Variants in GALNT13 observed in about 807,000 individuals in gnomAD.
The protein encoded by GALNT13 is UDP-GalNAc:polypeptide N-acetylgalactosaminyltransferase 13.
GALNT13 carries 28 observed loss-of-function variants against 64.2 expected under a neutral mutation model. That is an observed-to-expected ratio of 0.44 (90% CI 0.32 to 0.60). The LOEUF (loss-of-function observed/expected upper bound fraction) is 0.60, where lower values mean the gene tolerates loss of function less well. GALNT13 is among the 20% of genes least tolerant of loss of function. GALNT13 has a pLI of 0.05. For missense variants in GALNT13, 577 were observed against 669.8 expected (o/e 0.86, Z 1.53); for synonymous variants, 214 against 224.6 (o/e 0.95, Z 0.42).
At chr2:154,323,262 C>T (rs1269437837) in intron 9 of GALNT13, among the ~76,000 whole-genome samples, 1 of 151,318 alleles carries the variant, frequency 6.6e-6, no homozygotes, top group African/African-American at 2.4e-5. Flanking sequence ...TGCCATTGCA[C>T]CTCACTGCCT....
intron 11 of GALNT13, among the ~76,000 whole-genome samples, chr2:154,426,791 G>T (rs1332818574): frequency 4.6e-5 from 7 of 152,134 alleles, no homozygotes; most frequent in Non-Finnish European, 1.0e-4. Context: ...GTCACATTTT[G>T]TTATTATATT....
At chr2:153,941,144 C>T (rs72865041) in intron 2 of GALNT13, among the ~76,000 whole-genome samples, 10,603 of 152,082 alleles carry the variant, frequency 0.07, 432 homozygotes, top group Middle Eastern at 0.13. Context: ...TACAGGCACA[C>T]GCCACCTTGC....
chr2:154,062,667 C>T (rs1017723736), intron 3 of GALNT13, among the ~76,000 whole-genome samples: 21 of 152,290 alleles, frequency 1.4e-4, no homozygotes, highest in Middle Eastern at 3.4e-3. Context: ...AGGGGAAAAT[C>T]TGCTCCCATG....
At chr2:153,277,918 C>CTTTTTT in the GALNT13 span, among the ~76,000 whole-genome samples, 2 of 39,222 alleles carry the variant, frequency 5.1e-5, no homozygotes, top group Non-Finnish European at 1.2e-4. Context: ...CTTTTGTTTT[C>CTTTTTT]TTTTCTTTCT....
At chr2:153,406,842 G>T in the GALNT13 span, among the ~76,000 whole-genome samples, 1 of 152,136 alleles carries the variant, frequency 6.6e-6, no homozygotes, top group Non-Finnish European at 1.5e-5. Context: ...ATTGAACTTA[G>T]TAATTAATTA....
chr2:154,047,721 A>G (rs529553224), intron 3 of GALNT13, among the ~76,000 whole-genome samples: 1 of 152,326 alleles, frequency 6.6e-6, no homozygotes, highest in East Asian at 1.9e-4. Flanking sequence ...TAATATTGTT[A>G]CTACTGGAAC....
At chr2:153,302,566 T>C in the GALNT13 span, among the ~76,000 whole-genome samples, 1 of 152,300 alleles carries the variant, frequency 6.6e-6, no homozygotes, top group East Asian at 1.9e-4. Flanking sequence ...AGAAGCTTTT[T>C]AGTTCTATGT....
At chr2:153,492,592 CA>C in the GALNT13 span, among the ~76,000 whole-genome samples, 2 of 152,134 alleles carry the variant, frequency 1.3e-5, no homozygotes, top group Admixed American at 6.6e-5. Flanking sequence ...GAATAGAAAA[CA>C]ATTTGAGCAT....
the GALNT13 span, among the ~76,000 whole-genome samples, chr2:153,595,728 G>C: frequency 2.0e-5 from 3 of 152,014 alleles, no homozygotes; most frequent in African/African-American, 2.4e-5. Flanking sequence ...AAAACTCTAA[G>C]TAAAATATGA....
chr2:153,940,483 C>A (rs1045318468), intron 2 of GALNT13, among the ~76,000 whole-genome samples: 2 of 152,020 alleles, frequency 1.3e-5, no homozygotes, highest in African/African-American at 4.8e-5. Flanking sequence ...TTTCGAACTC[C>A]TTACTTCAGG....
At chr2:154,346,860 A>G (rs1420714470) in intron 9 of GALNT13, among the ~76,000 whole-genome samples, 2 of 152,134 alleles carry the variant, frequency 1.3e-5, no homozygotes, top group Non-Finnish European at 2.9e-5. Flanking sequence ...TCAAATAGCC[A>G]TGCAAATTAC....
At chr2:153,233,664 AGGGGCAAATAATATAT>A in the GALNT13 span, among the ~76,000 whole-genome samples, 1 of 152,112 alleles carries the variant, frequency 6.6e-6, no homozygotes, top group Admixed American at 6.6e-5. Flanking sequence ...AGTCAGACTT[AGGGGCAAATAATATAT>A]TTACATTAAA....
chr2:154,245,809 C>T lies in GALNT13; in HGVS notation c.687-3C>T. On this transcript the variant is annotated splice_region_variant and splice_polypyrimidine_tract_variant and intron_variant, in intron 6 of 12. Transcript: ENST00000392825. ...CTATAAATTGGTTTTAATTTCTCTG[C>T]AGGAAAACGGTTGTCTGCCCTATCA... 1.9e-6 allele frequency: 3 copies of T among 1,580,276 alleles called. No individual in the cohort carries two copies. Among genetic ancestry groups the T allele is most frequent in the Non-Finnish European group, 2.6e-6 (3 of 1,157,078 alleles).
the GALNT13 span, among the ~76,000 whole-genome samples, chr2:153,345,770 C>CTTCCTTCCTTCT: frequency 7.7e-6 from 1 of 129,470 alleles, no homozygotes; most frequent in Non-Finnish European, 1.6e-5. Flanking sequence ...TCCTTCCTTC[C>CTTCCTTCCTTCT]TTCTTTCTCT....
the GALNT13 span, among the ~76,000 whole-genome samples, chr2:153,843,584 C>T: frequency 0.09 from 13,671 of 152,278 alleles, 731 homozygotes; most frequent in African/African-American, 0.12. Flanking sequence ...AAAATACAAT[C>T]GTGCCTTCCC....
the GALNT13 span, among the ~76,000 whole-genome samples, chr2:153,275,847 G>A: frequency 2.0e-5 from 3 of 152,158 alleles, no homozygotes; most frequent in South Asian, 6.2e-4. Context: ...GAAAAAAAAA[G>A]TTGATTGATC....
Position 154,242,842 on chromosome 2 carries a change from A to T in GALNT13, c.623A>T (p.Asp208Val). The change falls in exon 6 of 13, where the codon GAT (aspartate) becomes GTT (valine). Residue 208 changes from aspartate to valine, a missense_variant. Transcript: ENST00000392825. ...ASKGQVITFL[D>V]AHCECTLGWL... ...AAAGGGCAGGTCATAACTTTTCTTG[A>T]TGCACACTGTGAATGCACGTTAGGA... is the stretch of plus-strand genomic sequence containing the variant. 6.2e-7 allele frequency: 1 copy of T among 1,614,126 alleles called. No individual in the cohort carries two copies. The highest frequency in any genetic ancestry group is 8.5e-7 in the Non-Finnish European group (1 of 1,180,020).
the GALNT13 span, among the ~76,000 whole-genome samples, chr2:153,730,993 A>C: frequency 2.0e-5 from 3 of 151,808 alleles, no homozygotes; most frequent in African/African-American, 7.2e-5. Context: ...TTGCAGTACT[A>C]TTCTCAATAG....
In GALNT13 at chr2:153,877,531, C is replaced by T. The variant is rs527490208; in HGVS notation, c.-177+5228C>T. Among the ~76,000 whole-genome samples the T allele has an allele frequency of 5.3e-5, 8 of 152,132 alleles. No homozygotes were observed. The East Asian group carries it at 1.5e-3, about 29-fold the overall frequency. On this transcript the variant is annotated intron_variant, in intron 1 of 12. Coordinates refer to ENST00000392825, the MANE Select transcript of GALNT13 (RefSeq NM_052917.4). ...TAGTCTCTTGTCTTATATTAATTGC[C>T]TTGATATTACAAGCAAAGCACCTCT... is the stretch of plus-strand genomic sequence containing the variant.
Sources: allele counts gnomAD v4.1 joint callset (sites outside exome capture counted in the v4.1 genomes callset), GRCh38; gene constraint gnomAD v4.1.1; transcripts MANE v1.5; gene names NCBI Gene and HGNC (gene_info 2026-07-23, HGNC 2026-07-21).